ZNF182: variants seen among roughly 807,000 people sequenced by gnomAD.
ZNF182 encodes zinc finger protein 182, also known as zinc finger protein 21 (KOX 14).
In ZNF182, 10 loss-of-function variants were observed where a neutral mutation model predicts 28.1. The observed-to-expected ratio is 0.36, with a 90% confidence interval of 0.22 to 0.60. ZNF182 has a LOEUF of 0.60. Ranked by LOEUF, ZNF182 falls within the 20% of genes least tolerant of loss-of-function variation. ZNF182 has a pLI of 0.75. For synonymous variants in ZNF182, 156 were observed against 158.7 expected (o/e 0.98, Z 0.13); for missense variants, 352 against 453.2 (o/e 0.78, Z 2.03).
intron 3 of ZNF182, among the ~76,000 whole-genome samples, chrX:48,001,966 G>A (rs1338401812): frequency 9.0e-6 from 1 of 111,523 alleles, no homozygotes; most frequent in Admixed American, 9.6e-5. Flanking sequence ...CAATTTCACT[G>A]TATGTTAATT....
At chrX:47,991,960 C>G (rs938244200) in intron 3 of ZNF182, among the ~76,000 whole-genome samples, 21 of 111,762 alleles carry the variant, frequency 1.9e-4, no homozygotes, top group African/African-American at 6.5e-4. Context: ...AAGCAGCCAC[C>G]GGAAGTGCTT....
intron 5 of ZNF182, among the ~76,000 whole-genome samples, chrX:47,980,387 A>C (rs189729367): frequency 2.3e-3 from 261 of 111,697 alleles, no homozygotes; most frequent in African/African-American, 8.2e-3. Flanking sequence ...TACATTGCAC[A>C]GCAGGGTGTC....
intron 3 of ZNF182, among the ~76,000 whole-genome samples, chrX:47,994,670 G>A (rs1214211639): frequency 1.8e-5 from 2 of 111,441 alleles, no homozygotes; most frequent in South Asian, 3.8e-4. Flanking sequence ...ATGGAGTCTC[G>A]CTCTGTTGCC....
chrX:47,985,877 T>C (rs1556899734), intron 3 of ZNF182, among the ~76,000 whole-genome samples: 1 of 111,572 alleles, frequency 9.0e-6, no homozygotes, highest in Non-Finnish European at 1.9e-5. Flanking sequence ...GCCACCTGGC[T>C]ACTTTGGGCT....
At chrX:47,996,950 T>C (rs1556901168) in intron 3 of ZNF182, among the ~76,000 whole-genome samples, 1 of 111,416 alleles carries the variant, frequency 9.0e-6, no homozygotes, top group African/African-American at 3.3e-5. Context: ...AGAAAATTAA[T>C]TTATGTTGTT....
At chrX:47,997,315 CTA>C (rs1491282632) in intron 3 of ZNF182, among the ~76,000 whole-genome samples, 3 of 88,646 alleles carry the variant, frequency 3.4e-5, no homozygotes, top group African/African-American at 8.3e-5. Flanking sequence ...GGAGATCCTG[CTA>C]AAAAAAAAAA....
chrX:47,991,591 T>C (rs190374989), intron 3 of ZNF182, among the ~76,000 whole-genome samples: 44 of 111,880 alleles, frequency 3.9e-4, no homozygotes, highest in Non-Finnish European at 7.5e-4. Flanking sequence ...ATAGAAATGG[T>C]AGACTTCTAG....
At chrX:47,986,720 C>T (rs782092724) in intron 3 of ZNF182, among the ~76,000 whole-genome samples, 1 of 111,607 alleles carries the variant, frequency 9.0e-6, no homozygotes, top group South Asian at 3.8e-4. Flanking sequence ...AAGGCAGACC[C>T]ACCCTCAGTC....
rs113247956 is a variant in ZNF182 at position 47,984,596 on chromosome X, G to A, written c.16-1185C>T. Among the ~76,000 whole-genome samples, 704 of 111,310 alleles carry A rather than the reference G, an allele frequency of 6.3e-3. 4 individuals carry two copies. The highest frequency in any genetic ancestry group is 9.7e-3 in the Non-Finnish European group (514 of 53,021). On this transcript the variant is annotated intron_variant, in intron 3 of 5. Transcript: ENST00000376943. ...GTATAGTAATGAAAATGAATGAACT[G>A]CATGTTGTGAAGCAGGTTCACCTGC...
At chrX:47,998,843 A>AGAC (rs1244447966) in intron 3 of ZNF182, among the ~76,000 whole-genome samples, 2 of 83,297 alleles carry the variant, frequency 2.4e-5, no homozygotes, top group Admixed American at 1.5e-4. Context: ...TGACAGAGCG[A>AGAC]GACTCCGTCT....
At position 47,990,005 on chromosome X, in the gene ZNF182, C is replaced by T. The variant is rs532089537; in HGVS notation, c.16-6594G>A. On this transcript the variant is annotated intron_variant, in intron 3 of 5. Transcript: ENST00000376943. ...ATTCAAATTTCTAGGTTTGTTCATG[C>T]CATTCCTGCTGATTATTGAGCCAGA... Among the ~76,000 whole-genome samples, 6 of 111,107 alleles carry T rather than the reference C, an allele frequency of 5.4e-5. No homozygotes were observed. In the South Asian group the frequency reaches 2.3e-3, roughly 42 times the overall value.
intron 4 of ZNF182, 51 bp downstream of exon 4, chrX:47,983,234 T>C (rs1436901114): frequency 1.5e-5 from 18 of 1,202,793 alleles, no homozygotes; most frequent in Middle Eastern, 4.6e-4. Context: ...ATGCCTTCCA[T>C]TGGATGCAAT....
chrX:47,983,209 G>T (rs1314803055), intron 4 of ZNF182, 76 bp downstream of exon 4: 15 of 1,180,058 alleles, frequency 1.3e-5, no homozygotes, highest in Non-Finnish European at 1.7e-5. Flanking sequence ...AGAAAAGAGG[G>T]AACTGAGAAA....
chrX:47,992,938 G>A (rs1237045877), intron 3 of ZNF182, among the ~76,000 whole-genome samples: 2 of 89,693 alleles, frequency 2.2e-5, no homozygotes, highest in Non-Finnish European at 5.1e-5. Context: ...CAGGCACTAA[G>A]CTGCTCACCA....
intron 3 of ZNF182, among the ~76,000 whole-genome samples, chrX:47,998,846 C>T (rs782556227): frequency 1.4e-5 from 1 of 71,724 alleles, no homozygotes; most frequent in African/African-American, 4.8e-5. Context: ...CAGAGCGAGA[C>T]TCCGTCTCAA....
Position 47,977,703 on chromosome X carries a change from T to C in ZNF182, c.327A>G (p.Thr109=). The change falls in exon 6 of 6, where the codon ACA becomes ACG. Residue 109 remains threonine, a synonymous_variant. Transcript: ENST00000376943. ...LMQVGFSDKK[T]IITKSARDCH... Reference sequence around the variant, plus strand: ...AGTCACGAGCACTCTTGGTGATAATTGTTTTCTTGTCAGAAAATCCAACTT... The same window carrying C: ...AGTCACGAGCACTCTTGGTGATAATCGTTTTCTTGTCAGAAAATCCAACTT... 1.7e-6 allele frequency: 2 copies of C among 1,209,507 alleles called. No homozygotes were observed. Among genetic ancestry groups the C allele is most frequent in the Non-Finnish European group, 2.2e-6 (2 of 894,206 alleles).
intron 5 of ZNF182, among the ~76,000 whole-genome samples, chrX:47,981,307 T>C (rs1314675735): frequency 3.6e-5 from 4 of 111,832 alleles, no homozygotes; most frequent in Non-Finnish European, 7.5e-5. Flanking sequence ...GCAAGGAAGC[T>C]ACCAAAGACT....
chrX:47,982,967 G>A lies in ZNF182; in HGVS notation c.214C>T (p.Pro72Ser). 1.7e-6 allele frequency: 2 copies of A among 1,211,040 alleles called. No homozygotes were observed. The highest frequency in any genetic ancestry group is 2.2e-6 in the Non-Finnish European group (2 of 895,150). The change falls in exon 5 of 6, where the codon CCA (proline) becomes TCA (serine). Residue 72 changes from proline (P) to serine (S), a missense_variant. By Grantham distance (74) the Pro-to-Ser change is moderately conservative. Coordinates refer to ENST00000376943, the MANE Select transcript of ZNF182 (RefSeq NM_001007088.2). ...CACTTACCTGGAAAGTTCCAAAATG[G>A]GATTTTTCCTTCTGCCGGGCATTCT... is the stretch of plus-strand genomic sequence containing the variant. ...VEECPAEGKIPFWNFPEVCQV... is the reference protein window; with the variant it reads ...VEECPAEGKISFWNFPEVCQV...
At chrX:47,979,976 A>T (rs782669214) in intron 5 of ZNF182, among the ~76,000 whole-genome samples, 32 of 109,886 alleles carry the variant, frequency 2.9e-4, no homozygotes, top group African/African-American at 9.6e-4. Context: ...GCTAAAAGAG[A>T]GGGAAAAACA....
Sources: gnomAD v4.1 joint callset for allele counts (sites outside exome capture counted in the v4.1 genomes callset) on GRCh38, gnomAD v4.1.1 for gene constraint, MANE v1.5 for transcripts, NCBI Gene and HGNC (gene_info 2026-07-23, HGNC 2026-07-21) for gene names.